The following EFNA2 variants were observed in gnomAD, a reference collection of about 807,000 sequenced individuals.
EFNA2 encodes ephrin A2.
A neutral mutation model predicts 19.7 loss-of-function variants in EFNA2; 18 were observed. The observed-to-expected ratio is 0.91, with a 90% CI of 0.63 to 1.35. EFNA2 has a LOEUF of 1.35. EFNA2 is among the 40% of genes most tolerant of loss of function. The pLI, the probability that EFNA2 is intolerant of heterozygous loss-of-function variation, is 0.00. For synonymous variants in EFNA2, 187 were observed against 137.8 expected (o/e 1.36, Z -2.50); for missense variants, 303 against 296.0 (o/e 1.02, Z -0.17).
At position 1,295,460 on chromosome 19, in the gene EFNA2, C is replaced by T; in HGVS notation, c.141-85C>T. 1.5e-6 allele frequency: 2 copies of T among 1,377,460 alleles called. No homozygotes were observed. The highest frequency in any genetic ancestry group is 1.9e-6 in the Non-Finnish European group (2 of 1,049,386). 85.3% of individuals were successfully genotyped at this position (1,377,460 alleles called of 1,614,324 possible). On this transcript the variant is annotated intron_variant, in intron 1 of 3. Transcript: ENST00000215368. The surrounding 1 kb of genome is among the most constrained non-coding windows in gnomAD (Gnocchi z 5.8). ...CGACCCGTCCCTCGTGCTCCTGTCCCCTGACCCTGGCCCTCCCCGCGCACC... is the reference window on the plus strand; with the variant it reads ...CGACCCGTCCCTCGTGCTCCTGTCCTCTGACCCTGGCCCTCCCCGCGCACC...
rs2081506953 is a variant in EFNA2, at chr19:1,294,919, G to T, written c.141-626G>T. Among the ~76,000 whole-genome samples the T allele has an allele frequency of 6.6e-6, 1 of 152,128 alleles. No individual in the cohort carries two copies. Among genetic ancestry groups the T allele is most frequent in the Admixed American group, 6.5e-5 (1 of 15,284 alleles). On this transcript the variant is annotated intron_variant, in intron 1 of 3. Coordinates refer to ENST00000215368, the MANE Select transcript of EFNA2 (RefSeq NM_001405.4). The surrounding 1 kb of genome is among the most constrained non-coding windows in gnomAD (Gnocchi z 5.8). Reference sequence around the variant, plus strand: ...CAGATGTTAAGCATGTTAGGTAGATGCGAAGTTTCTGGAGAGGGAATTCTT... The same window carrying T: ...CAGATGTTAAGCATGTTAGGTAGATTCGAAGTTTCTGGAGAGGGAATTCTT...
chr19:1,288,572 CA>C (rs1372129204), intron 1 of EFNA2, among the ~76,000 whole-genome samples: 1 of 152,074 alleles, frequency 6.6e-6, no homozygotes, highest in Non-Finnish European at 1.5e-5. Flanking sequence ...GCGTGGGCAC[CA>C]GGGGACCGTG....
intron 1 of EFNA2, among the ~76,000 whole-genome samples, chr19:1,290,104 C>T (rs571889564): frequency 6.6e-6 from 1 of 151,958 alleles, no homozygotes; most frequent in Admixed American, 6.5e-5. Flanking sequence ...GCCTGCTCTG[C>T]GAAGTGGGGG....
At position 1,301,331 on chromosome 19, in the gene EFNA2, G is replaced by T. The variant is rs1026077295; in HGVS notation, c.*1386G>T. ...TTGTAGGGGGTCGGCGGGGCGGGCC[G>T]CGTTGCCAGGCCTGGAGCTGGCGAC... On this transcript the variant is annotated 3_prime_UTR_variant, in exon 4 of 4. Coordinates refer to ENST00000215368, the MANE Select transcript of EFNA2 (RefSeq NM_001405.4). Among the ~76,000 whole-genome samples the T allele has an allele frequency of 6.6e-6, 1 of 151,342 alleles. No homozygotes were observed. Among genetic ancestry groups the T allele is most frequent in the Non-Finnish European group, 1.5e-5 (1 of 67,862 alleles).
rs755557604 is a variant in EFNA2 at position 1,299,794 on chromosome 19, C to T, written c.521-30C>T. On this transcript the variant is annotated intron_variant, in intron 3 of 3. Transcript: ENST00000215368. ...GGGAGCCCAGTGGGGTTCGGGCGGCCGCTGAGCGTGCTGTCTCTGCCACCC... is the reference window on the plus strand; with the variant it reads ...GGGAGCCCAGTGGGGTTCGGGCGGCTGCTGAGCGTGCTGTCTCTGCCACCC... 6.3e-6 allele frequency: 10 copies of T among 1,577,372 alleles called. No homozygotes were observed. In the Middle Eastern group the frequency reaches 6.6e-4, roughly 105 times the overall value.
At chr19:1,292,251 G>A (rs936830660) in intron 1 of EFNA2, among the ~76,000 whole-genome samples, 14 of 152,228 alleles carry the variant, frequency 9.2e-5, no homozygotes. Flanking sequence ...CAGCAAGGCC[G>A]CTGCTATTTT....
chr19:1,298,244 C>G (rs1430972093), intron 2 of EFNA2, among the ~76,000 whole-genome samples: 1 of 151,928 alleles, frequency 6.6e-6, no homozygotes, highest in African/African-American at 2.4e-5. Context: ...TGCTTGAAAA[C>G]AAATACATCA....
rs1213648640 is a variant in EFNA2, at chr19:1,286,521, C to G, written c.140+213C>G. The stretch of plus-strand genomic sequence containing the variant: ...TCGCGCCTGCCTTCCCCGGGGCGCC[C>G]CATTGCCCTACGGACTGTGGGGACT... On this transcript the variant is annotated intron_variant, in intron 1 of 3. Transcript: ENST00000215368. The surrounding 1 kb of genome is among the most constrained non-coding windows in gnomAD (Gnocchi z 5.6). Among the ~76,000 whole-genome samples the G allele has an allele frequency of 6.6e-6, 1 of 151,926 alleles. No homozygotes were observed. The highest frequency in any genetic ancestry group is 2.4e-5 in the African/African-American group (1 of 41,396).
upstream of EFNA2, among the ~76,000 whole-genome samples, chr19:1,285,753 G>A (rs1221038541): frequency 6.6e-6 from 1 of 150,524 alleles, no homozygotes; most frequent in African/African-American, 2.4e-5. The surrounding 1 kb of genome is among the most constrained non-coding windows in gnomAD (Gnocchi z 4.1). Flanking sequence ...AGCCTGAGAC[G>A]GGGTGGGCCG....
rs1485552471 is a variant in EFNA2, at chr19:1,287,534, CTCTT to C, written c.140+1228_140+1231del. On this transcript the variant is annotated intron_variant, in intron 1 of 3. Transcript: ENST00000215368. The surrounding 1 kb of genome is among the most constrained non-coding windows in gnomAD (Gnocchi z 6.2). Reference sequence around the variant, plus strand: ...CGGGAGGAAAGTTGCATGAAGGGGTCTCTTTGAGGCGGGCTCGGGGACAAGGGCG... The same window carrying C: ...CGGGAGGAAAGTTGCATGAAGGGGTCTGAGGCGGGCTCGGGGACAAGGGCG... 1.3e-5 allele frequency among the ~76,000 whole-genome samples: 2 copies of C among 152,150 alleles called. No homozygotes were observed. Among genetic ancestry groups the C allele is most frequent in the Non-Finnish European group, 2.9e-5 (2 of 68,008 alleles).
intron 1 of EFNA2, among the ~76,000 whole-genome samples, chr19:1,289,507 C>T (rs1403027324): frequency 2.0e-5 from 3 of 152,194 alleles, no homozygotes; most frequent in Non-Finnish European, 4.4e-5. Flanking sequence ...GGGACGGGAC[C>T]AGGGCCCGTG....
At position 1,286,889 on chromosome 19, in the gene EFNA2, G is replaced by T. The variant is rs1418840016; in HGVS notation, c.140+581G>T. ...AGCTTTGAAAGGAGACTGAGGGGCC[G>T]GGGAGCTGGGGGTCAGCCCCGGGAG... On this transcript the variant is annotated intron_variant, in intron 1 of 3. Transcript: ENST00000215368. The surrounding 1 kb of genome is among the most constrained non-coding windows in gnomAD (Gnocchi z 5.6). 6.6e-6 allele frequency among the ~76,000 whole-genome samples: 1 copy of T among 152,240 alleles called. No homozygotes were observed. Among genetic ancestry groups the T allele is most frequent in the East Asian group, 1.9e-4 (1 of 5,190 alleles).
Position 1,299,873 on chromosome 19 carries a change from G to C in EFNA2, c.570G>C (p.Ser190=). The C allele has an allele frequency of 6.2e-7, 1 of 1,604,868 alleles. No individual in the cohort carries two copies. The highest frequency in any genetic ancestry group is 8.5e-7 in the Non-Finnish European group (1 of 1,178,066). The change falls in exon 4 of 4, where the codon TCG becomes TCC. Residue 190 remains serine (S), a synonymous_variant. Coordinates refer to ENST00000215368, the MANE Select transcript of EFNA2 (RefSeq NM_001405.4). The part of the protein sequence containing the change: ...APEPIFTSNN[S]CSSPGGCRLF... ...AGCCCATCTTCACCAGCAATAACTC[G>C]TGTAGCAGCCCGGGCGGCTGCCGCC...
intron 1 of EFNA2, among the ~76,000 whole-genome samples, chr19:1,292,720 A>C (rs1488353726): frequency 1.3e-5 from 2 of 152,150 alleles, no homozygotes; most frequent in Non-Finnish European, 2.9e-5. Flanking sequence ...TCTGAGGATC[A>C]GGAATGGATG....
At chr19:1,292,152 GC>G (rs1174178816) in intron 1 of EFNA2, among the ~76,000 whole-genome samples, 1 of 152,196 alleles carries the variant, frequency 6.6e-6, no homozygotes, top group African/African-American at 2.4e-5. Flanking sequence ...TGGGGTGGGG[GC>G]CCCCTCCCCC....
rs371396836 is a variant in EFNA2 at position 1,298,715 on chromosome 19, C to T, written c.520+99C>T. On this transcript the variant is annotated intron_variant, in intron 3 of 3. Transcript: ENST00000215368. ...TCAGAAGAGCCAGGACAGGGGGCCTCGGGTTTCCCTATCTTGCCCTGCCTT... is the reference window on the plus strand; with the variant it reads ...TCAGAAGAGCCAGGACAGGGGGCCTTGGGTTTCCCTATCTTGCCCTGCCTT... The T allele has an allele frequency of 2.3e-4, 317 of 1,363,286 alleles. No individual in the cohort carries two copies. The African/African-American group carries it at 3.7e-3, about 16-fold the overall frequency. The allele number at this position is 1,363,286 out of a possible 1,614,324, so 84.4% of individuals were successfully genotyped here.
intron 1 of EFNA2, among the ~76,000 whole-genome samples, chr19:1,289,554 C>G (rs1476071306): frequency 6.6e-6 from 1 of 152,214 alleles, no homozygotes; most frequent in Non-Finnish European, 1.5e-5. Context: ...AGGGTGGACG[C>G]AGGGGCCTGT....
chr19:1,291,529 G>A (rs943229482), intron 1 of EFNA2, among the ~76,000 whole-genome samples: 8 of 152,006 alleles, frequency 5.3e-5, no homozygotes, highest in Admixed American at 2.6e-4. Flanking sequence ...TCAGCCCCAC[G>A]CTGGGCTTCA....
intron 1 of EFNA2, among the ~76,000 whole-genome samples, chr19:1,290,010 G>A (rs1167232423): frequency 3.3e-5 from 5 of 152,114 alleles, no homozygotes; most frequent in South Asian, 4.1e-4. Context: ...CCTGGAGGCC[G>A]TGGGGTACCT....
Sources: allele counts gnomAD v4.1 joint callset (sites outside exome capture counted in the v4.1 genomes callset), GRCh38; gene constraint gnomAD v4.1.1; non-coding constraint Gnocchi (gnomAD v3.1); transcripts MANE v1.5; gene names NCBI Gene and HGNC (gene_info 2026-07-23, HGNC 2026-07-21).